The following MGRN1 variants were observed in gnomAD, a reference collection of about 807,000 sequenced individuals.
MGRN1 encodes the protein mahogunin ring finger 1, also known as E3 ubiquitin-protein ligase MGRN1.
In MGRN1, 29 loss-of-function variants were observed where a neutral mutation model predicts 69.2. The observed-to-expected ratio is 0.42, with a 90% CI of 0.31 to 0.57. MGRN1 has a LOEUF of 0.57. Ranked by LOEUF, MGRN1 falls within the 20% of genes least tolerant of loss-of-function variation. The pLI, the probability that MGRN1 is intolerant of heterozygous loss-of-function variation, is 0.15. For missense variants in MGRN1, 998 were observed against 796.2 expected (o/e 1.25, Z -3.05); for synonymous variants, 470 against 344.2 (o/e 1.37, Z -4.04).
At chr16:4,686,610 C>T in intron 16 of MGRN1, 4 of 1,204,298 alleles carry the variant, frequency 3.3e-6, no homozygotes, top group Non-Finnish European at 4.1e-6. Flanking sequence ...GGCAGGGAGA[C>T]AGACACAGCC....
At chr16:4,674,262 G>C (rs1190977407) in intron 10 of MGRN1, among the ~76,000 whole-genome samples, 1 of 152,108 alleles carries the variant, frequency 6.6e-6, no homozygotes, top group East Asian at 1.9e-4. Context: ...GGTGTTACAG[G>C]CATGAGCCAC....
rs372689801 is a variant in MGRN1, at chr16:4,681,588, G to T, written c.1170G>T (p.Ser390=). Residue 390 remains serine, a synonymous_variant, in exon 13 of 17, where the codon TCG becomes TCT. Transcript: ENST00000262370. ...TCCCACCTGGCTACGAGCCCATCTC[G>T]CTGCTCGAGGCGCTCAACGGCCTCC... ...DSVPPGYEPI[S]LLEALNGLRA... The T allele has an allele frequency of 1.2e-6, 2 of 1,613,492 alleles. No homozygotes were observed. Among genetic ancestry groups the T allele is most frequent in the Non-Finnish European group, 1.7e-6 (2 of 1,179,958 alleles).
At position 4,681,711 on chromosome 16, in the gene MGRN1, G is replaced by A. The variant is rs780871777; in HGVS notation, c.1293G>A (p.Ala431=). The change falls in exon 13 of 17, where the codon GCG becomes GCA. Residue 431 remains alanine (A), a synonymous_variant. Coordinates refer to ENST00000262370, the MANE Select transcript of MGRN1 (RefSeq NM_015246.4). ...DGLSQASCPL[A]AIDHILDSSR... ...TGTCCCAGGCCAGCTGTCCCCTCGC[G>A]GCTATCGACCACATCCTGGACAGCA... The A allele has an allele frequency of 1.5e-5, 24 of 1,613,146 alleles. No homozygotes were observed. Among genetic ancestry groups the A allele is most frequent in the East Asian group, 4.5e-5 (2 of 44,886 alleles).
At chr16:4,667,202 C>T (rs2078824942) in intron 7 of MGRN1, among the ~76,000 whole-genome samples, 1 of 152,244 alleles carries the variant, frequency 6.6e-6, no homozygotes, top group African/African-American at 2.4e-5. Context: ...TGTGCAGCCG[C>T]AGCCCCTGAG....
intron 15 of MGRN1, among the ~76,000 whole-genome samples, 159 bp downstream of exon 15, chr16:4,683,428 G>A (rs543325102): frequency 1.3e-5 from 2 of 152,326 alleles, no homozygotes; most frequent in South Asian, 4.1e-4. Context: ...ATCCCGGCTG[G>A]GAGGGACTGA....
At chr16:4,657,752 T>C (rs2078581266) in intron 5 of MGRN1, among the ~76,000 whole-genome samples, 1 of 141,662 alleles carries the variant, frequency 7.1e-6, no homozygotes, top group African/African-American at 2.6e-5. Context: ...TTTTTTTTTT[T>C]TTTTTTTTTT....
chr16:4,642,128 C>CTTTTTTTT (rs34264611), intron 1 of MGRN1, among the ~76,000 whole-genome samples: 1 of 128,774 alleles, frequency 7.8e-6, no homozygotes, highest in African/African-American at 3.0e-5. Context: ...GACTTGGTTC[C>CTTTTTTTT]TTTTTTTTTT....
intron 16 of MGRN1, among the ~76,000 whole-genome samples, chr16:4,685,962 A>G (rs887032144): frequency 5.9e-5 from 9 of 151,908 alleles, no homozygotes; most frequent in African/African-American, 2.2e-4. Context: ...CAGGGCCTTC[A>G]CTCCTGAAAC....
At chr16:4,665,236 G>T (rs2078775280) in intron 7 of MGRN1, 85 bp downstream of exon 7, 2 of 1,478,602 alleles carry the variant, frequency 1.4e-6, no homozygotes, top group Admixed American at 1.8e-5. Context: ...CTGAGCAGGG[G>T]CTGGGGCTTG....
In MGRN1 at chr16:4,652,694, G is replaced by T; in HGVS notation, c.313G>T (p.Asp105Tyr). ...LRLVRYKDDA[D>Y]SPTEDGDKPR... is the part of the protein sequence containing the mutation. ...CTGGGGTAGGTACAAAGACGATGCC[G>T]ACAGCCCCACCGAGGACGGCGACAA... Residue 105 changes from aspartate to tyrosine, a missense_variant, in exon 4 of 17, where the codon GAC becomes TAC. Asp to Tyr is a radical substitution (Grantham distance 160, BLOSUM62 -3). Coordinates refer to ENST00000262370, the MANE Select transcript of MGRN1 (RefSeq NM_015246.4). 2 of 1,612,794 alleles carry T rather than the reference G, an allele frequency of 1.2e-6. No individual in the cohort carries two copies. Among genetic ancestry groups the T allele is most frequent in the Non-Finnish European group, 8.5e-7 (1 of 1,179,426 alleles).
At chr16:4,661,392 C>T (rs1684623) in intron 5 of MGRN1, among the ~76,000 whole-genome samples, 53,353 of 152,138 alleles carry the variant, frequency 0.35, 11,252 homozygotes, top group East Asian at 0.62. Context: ...AGCCCTCTCC[C>T]GGAGGAGGCT....
rs373451060 is a variant in MGRN1 at position 4,688,820 on chromosome 16, C to A, written c.1643C>A (p.Ala548Asp). Residue 548 changes from alanine to aspartate, a missense_variant, in exon 17 of 17, where the codon GCC becomes GAC. Coordinates refer to ENST00000262370, the MANE Select transcript of MGRN1 (RefSeq NM_015246.4). The stretch of plus-strand genomic sequence containing the variant: ...GGACGGCCCACCTCCATGGAGACGG[C>A]CCACGGCCTCGCCACCACCAGCCCC... ...LPGRPTSMETAHGLATTSPTW... is the reference protein window; with the variant it reads ...LPGRPTSMETDHGLATTSPTW... The A allele has an allele frequency of 1.7e-5, 27 of 1,552,900 alleles. No homozygotes were observed. Among genetic ancestry groups the A allele is most frequent in the Non-Finnish European group, 2.2e-5 (25 of 1,147,904 alleles).
At chr16:4,627,890 C>G (rs1013983597) in intron 1 of MGRN1, among the ~76,000 whole-genome samples, 1 of 150,936 alleles carries the variant, frequency 6.6e-6, no homozygotes, top group Non-Finnish European at 1.5e-5. Flanking sequence ...ACCATCCTGG[C>G]TAACACCGTG....
At chr16:4,659,503 T>C (rs143454865) in intron 5 of MGRN1, among the ~76,000 whole-genome samples, 2,351 of 152,268 alleles carry the variant, frequency 0.015, 34 homozygotes, top group Non-Finnish European at 0.024. Context: ...GTACGGTGTT[T>C]AGGGCCCAGA....
At chr16:4,644,538 G>A (rs1477366937) in intron 1 of MGRN1, among the ~76,000 whole-genome samples, 1 of 150,882 alleles carries the variant, frequency 6.6e-6, no homozygotes, top group Non-Finnish European at 1.5e-5. Context: ...TCCAACTCCT[G>A]ACCTCAGGTG....
chr16:4,660,457 G>C (rs1210513133), intron 5 of MGRN1, among the ~76,000 whole-genome samples: 2 of 152,198 alleles, frequency 1.3e-5, no homozygotes, highest in Non-Finnish European at 2.9e-5. Flanking sequence ...GTAAAGCACT[G>C]TCAGCACCTA....
At position 4,688,983 on chromosome 16, in the gene MGRN1, T is replaced by G; in HGVS notation, c.*75T>G. The G allele has an allele frequency of 6.9e-7, 1 of 1,459,724 alleles. No homozygotes were observed. The highest frequency in any genetic ancestry group is 2.3e-4 in the Middle Eastern group (1 of 4,342). The allele number at this position is 1,459,724 out of a possible 1,614,324, so 90.4% of individuals were successfully genotyped here. A position where few individuals can be genotyped will look rare whatever the true frequency, so the allele number is the denominator to read the frequency against. On this transcript the variant is annotated 3_prime_UTR_variant, in exon 17 of 17. Coordinates refer to ENST00000262370, the MANE Select transcript of MGRN1 (RefSeq NM_015246.4). ...CGAGGGGCTGCTCCGGACCCCGTTGTGAGCCGGCCTCCTGTCTGCATGCCC... is the reference window on the plus strand; with the variant it reads ...CGAGGGGCTGCTCCGGACCCCGTTGGGAGCCGGCCTCCTGTCTGCATGCCC...
At chr16:4,684,620 C>T (rs989443601) in intron 16 of MGRN1, among the ~76,000 whole-genome samples, 18 of 152,266 alleles carry the variant, frequency 1.2e-4, no homozygotes, top group African/African-American at 2.7e-4. Context: ...TCACCTTTCC[C>T]GGAGGCTCGG....
At chr16:4,644,961 AAAT>A (rs1215890165) in intron 1 of MGRN1, among the ~76,000 whole-genome samples, 1 of 152,190 alleles carries the variant, frequency 6.6e-6, no homozygotes, top group Non-Finnish European at 1.5e-5. Flanking sequence ...AATCTTTTAA[AAAT>A]AATTTTTCTT....
Sources: allele counts gnomAD v4.1 joint callset (sites outside exome capture counted in the v4.1 genomes callset), GRCh38; gene constraint gnomAD v4.1.1; transcripts MANE v1.5; gene names NCBI Gene and HGNC (gene_info 2026-07-23, HGNC 2026-07-21).